The following INTS4 variants were observed in gnomAD, a reference collection of about 807,000 sequenced individuals.
INTS4 encodes the protein MSTP093.
A neutral mutation model predicts 119.5 loss-of-function variants in INTS4; 70 were observed. That is an observed-to-expected ratio of 0.59 (90% CI 0.48 to 0.71). INTS4 has a LOEUF of 0.71. Among genes scored for constraint, INTS4 ranks in the 30% least tolerant of loss-of-function variants. The pLI is 0.00. For missense variants in INTS4, 867 were observed against 1,173.2 expected, an observed-to-expected ratio of 0.74 and a Z score of 3.81; for synonymous variants, 316 against 419.6, an observed-to-expected ratio of 0.75 and a Z score of 3.02.
At position 77,901,532 on chromosome 11, in the gene INTS4, T is replaced by C; in HGVS notation, c.2117A>G (p.Lys706Arg). ...CACACCACTGTACATGAATTCCATT[T>C]TGTAGGTCTCTTCCATAATCTATAA... ...AAKQIMEETY[K>R]MEFMYSGVEN... Residue 706 changes from lysine (K) to arginine (R), a missense_variant, in exon 18 of 23, where the codon AAA becomes AGA. By Grantham distance (26) the Lys-to-Arg change is conservative (BLOSUM62 2). Transcript: ENST00000534064. 6.2e-7 allele frequency: 1 copy of C among 1,608,552 alleles called. No homozygotes were observed.
chr11:77,973,208 C>T (rs1048662245), intron 4 of INTS4, among the ~76,000 whole-genome samples: 7 of 152,132 alleles, frequency 4.6e-5, no homozygotes, highest in Non-Finnish European at 1.0e-4. Flanking sequence ...TCATATTGTT[C>T]ACTGCAAGTG....
intron 4 of INTS4, among the ~76,000 whole-genome samples, 189 bp from the exon 5 acceptor site, chr11:77,961,327 AT>A (rs2136586462): frequency 6.6e-6 from 1 of 152,188 alleles, no homozygotes; most frequent in South Asian, 2.1e-4. Context: ...CTCAAAAAAA[AT>A]GAGTCCTTAG....
chr11:77,904,415 A>G (rs1952877716), intron 16 of INTS4, among the ~76,000 whole-genome samples: 1 of 152,260 alleles, frequency 6.6e-6, no homozygotes, highest in Non-Finnish European at 1.5e-5. Context: ...AAAAAAGTTT[A>G]TTTAACCCAG....
Position 77,941,151 on chromosome 11 carries a change from C to T in INTS4, c.990+29G>A, listed in dbSNP as rs984864803. 7 of 1,606,974 alleles carry T rather than the reference C, an allele frequency of 4.4e-6. No homozygotes were observed. The Admixed American group carries it at 8.6e-5, about 20-fold the overall frequency. On this transcript the variant is annotated intron_variant, in intron 9 of 22. Transcript: ENST00000534064. Reference sequence around the variant, plus strand: ...CCCCACTACATTGGTTACAGAAACCCACTTTAAACAACAAAGAATAAAAGG... The same window carrying T: ...CCCCACTACATTGGTTACAGAAACCTACTTTAAACAACAAAGAATAAAAGG...
intron 2 of INTS4, among the ~76,000 whole-genome samples, chr11:77,988,865 A>C (rs1258538099): frequency 6.6e-6 from 1 of 152,220 alleles, no homozygotes; most frequent in Non-Finnish European, 1.5e-5. Flanking sequence ...TCTTCATCAA[A>C]TCAATGTCAC....
In INTS4 at chr11:77,878,862, C is replaced by T. The variant is rs977429731; in HGVS notation, c.*87G>A. 4.3e-6 allele frequency: 4 copies of T among 939,078 alleles called. No homozygotes were observed. The highest frequency in any genetic ancestry group is 7.0e-6 in the Non-Finnish European group (4 of 570,536). The allele number at this position is 939,078 out of a possible 1,614,324, so 58.2% of individuals were successfully genotyped here. A position where few individuals can be genotyped will look rare whatever the true frequency, so the allele number is the denominator to read the frequency against. ...TCACATACTCCTTAAGCCTACACAT[C>T]AATTCCAGGTGAAGTGCTTCAGGCT... On this transcript the variant is annotated 3_prime_UTR_variant, in exon 23 of 23. Transcript: ENST00000534064.
intron 12 of INTS4, among the ~76,000 whole-genome samples, chr11:77,923,373 G>C (rs1177022391): frequency 6.6e-6 from 1 of 150,536 alleles, no homozygotes; most frequent in East Asian, 1.9e-4. Context: ...GAGAGCCCTG[G>C]TAACCTGTTG....
At chr11:77,897,591 C>T (rs1261040920) in intron 18 of INTS4, among the ~76,000 whole-genome samples, 1 of 150,796 alleles carries the variant, frequency 6.6e-6, no homozygotes, top group Admixed American at 6.6e-5. Context: ...AGCTCCACCT[C>T]CTGGGTTCAT....
chr11:77,883,989 A>C, intron 21 of INTS4, 37 bp from the exon 22 acceptor site: 1 of 1,601,588 alleles, frequency 6.2e-7, no homozygotes, highest in South Asian at 1.1e-5. Context: ...GGCAGAAGCG[A>C]GAGGAGCATT....
Position 77,884,034 on chromosome 11 carries a change from C to T in INTS4, c.2593-82G>A, listed in dbSNP as rs2051484. ...GGATGATGACATCTGTTGTGAACCT[C>T]AAAACACAAGAAGAAACATGACACC... is the stretch of plus-strand genomic sequence containing the variant. On this transcript the variant is annotated intron_variant, in intron 21 of 22. Transcript: ENST00000534064. 155,223 of 1,418,134 alleles carry T rather than the reference C, an allele frequency of 0.11. 9,745 individuals carry two copies. The highest frequency in any genetic ancestry group is 0.21 in the Admixed American group (10,760 of 51,516). The allele number at this position is 1,418,134 out of a possible 1,614,324, so 87.8% of individuals were successfully genotyped here. A position where few individuals can be genotyped will look rare whatever the true frequency, so the allele number is the denominator to read the frequency against.
chr11:77,898,777 T>C (rs1171611637), intron 18 of INTS4, among the ~76,000 whole-genome samples: 2 of 152,086 alleles, frequency 1.3e-5, no homozygotes, highest in East Asian at 1.9e-4. Context: ...CCCAGCACTT[T>C]GGGAGGCCAA....
chr11:77,926,189 GA>G (rs34355448), intron 11 of INTS4, among the ~76,000 whole-genome samples: 2,146 of 148,554 alleles, frequency 0.014, 44 homozygotes, highest in African/African-American at 0.049. Flanking sequence ...GACATAGCAG[GA>G]AAAAAAAAAG....
At chr11:77,900,459 C>T (rs1186460179) in intron 18 of INTS4, 20 of 550,570 alleles carry the variant, frequency 3.6e-5, no homozygotes, top group African/African-American at 2.5e-4. Flanking sequence ...TATCAAGATA[C>T]GTGAAGAAAT....
At position 77,943,187 on chromosome 11, in the gene INTS4, C is replaced by T. The variant is rs188373993; in HGVS notation, c.919-1936G>A. On this transcript the variant is annotated intron_variant, in intron 8 of 22. Coordinates refer to ENST00000534064, the MANE Select transcript of INTS4 (RefSeq NM_033547.4). ...CCCTCCTCCAATGCCCTCAACTGCGCGCTCGTCCAACACAGCAGCACAGAG... is the reference window on the plus strand; with the variant it reads ...CCCTCCTCCAATGCCCTCAACTGCGTGCTCGTCCAACACAGCAGCACAGAG... Among the ~76,000 whole-genome samples, 882 of 152,222 alleles carry T rather than the reference C, an allele frequency of 5.8e-3. 6 individuals carry two copies. The highest frequency in any genetic ancestry group is 0.019 in the African/African-American group (797 of 41,516).
At chr11:77,896,032 T>C (rs562626148) in intron 18 of INTS4, among the ~76,000 whole-genome samples, 1 of 152,030 alleles carries the variant, frequency 6.6e-6, no homozygotes, top group Non-Finnish European at 1.5e-5. Flanking sequence ...TAAACGACAA[T>C]CAGGAGCTGT....
rs1565262106 is a variant in INTS4, at chr11:77,943,675, C to T, written c.919-2424G>A. ...GGAATCTCTCCAACTGTACTACTAG[C>T]ACTACTTAACAACCTAAATTTAGGT... On this transcript the variant is annotated intron_variant, in intron 8 of 22. Coordinates refer to ENST00000534064, the MANE Select transcript of INTS4 (RefSeq NM_033547.4). Among the ~76,000 whole-genome samples, 3 of 152,196 alleles carry T rather than the reference C, an allele frequency of 2.0e-5. No individual in the cohort carries two copies. The South Asian group carries it at 6.2e-4, about 31-fold the overall frequency.
chr11:77,924,928 G>A (rs1260530588), intron 11 of INTS4, 36 bp from the exon 12 acceptor site: 1 of 1,544,796 alleles, frequency 6.5e-7, no homozygotes, highest in Non-Finnish European at 8.9e-7. Flanking sequence ...AGTAGTTACT[G>A]TTGGTTAGCA....
intron 19 of INTS4, among the ~76,000 whole-genome samples, chr11:77,892,804 C>T (rs533292668): frequency 5.8e-4 from 89 of 152,208 alleles, no homozygotes; most frequent in Non-Finnish European, 1.0e-3. Context: ...AGGCTGGTCT[C>T]GAACTCCTGA....
chr11:77,953,488 C>T (rs1393981226), intron 8 of INTS4, among the ~76,000 whole-genome samples: 2 of 151,984 alleles, frequency 1.3e-5, no homozygotes, highest in African/African-American at 4.8e-5. Context: ...GAAACTGAGA[C>T]TAATATCAAG....
Sources: allele counts gnomAD v4.1 joint callset (sites outside exome capture counted in the v4.1 genomes callset), GRCh38; gene constraint gnomAD v4.1.1; transcripts MANE v1.5; gene names NCBI Gene and HGNC (gene_info 2026-07-23, HGNC 2026-07-21).